Variants in GRM7 observed in about 807,000 individuals in gnomAD.
GRM7 encodes the protein glutamate metabotropic receptor 7, also known as metabotropic glutamate receptor 7.
In GRM7, 35 loss-of-function variants were observed where a neutral mutation model predicts 84.5. The ratio of observed to expected loss-of-function variants is 0.41; its 90% CI spans 0.32 to 0.55. The LOEUF (loss-of-function observed/expected upper bound fraction) is 0.55. Among genes scored for constraint, GRM7 ranks in the 20% least tolerant of loss-of-function variants. The pLI, the probability that GRM7 is intolerant of heterozygous loss-of-function variation, is 0.19. For missense variants in GRM7, 1,003 were observed against 1,194.6 expected (o/e 0.84, Z 2.36); for synonymous variants, 487 against 455.1 (o/e 1.07, Z -0.89).
intron 4 of GRM7, among the ~76,000 whole-genome samples, chr3:7,323,661 C>CA (rs368268304): frequency 6.6e-6 from 1 of 152,120 alleles, no homozygotes; most frequent in Non-Finnish European, 1.5e-5. Flanking sequence ...TAGAAAAATA[C>CA]AAAAAACTAA....
At chr3:7,215,591 G>C (rs1007611917) in intron 2 of GRM7, among the ~76,000 whole-genome samples, 141 of 152,126 alleles carry the variant, frequency 9.3e-4, no homozygotes, top group Admixed American at 2.6e-3. Context: ...CGTGAACCCG[G>C]GGGGCGGAGC....
intron 4 of GRM7, among the ~76,000 whole-genome samples, chr3:7,350,417 G>C (rs1217499234): frequency 6.6e-6 from 1 of 151,894 alleles, no homozygotes; most frequent in Non-Finnish European, 1.5e-5. Flanking sequence ...TTAATAATAC[G>C]TGGTACCTCC....
At chr3:7,718,037 G>T (rs1391901442) in intron 9 of GRM7, among the ~76,000 whole-genome samples, 1 of 141,124 alleles carries the variant, frequency 7.1e-6, no homozygotes, top group Non-Finnish European at 1.5e-5. Context: ...AGGTTTGCAG[G>T]GTTCACATGA....
chr3:7,605,453 A>G (rs1395998424), intron 8 of GRM7, among the ~76,000 whole-genome samples: 4 of 152,204 alleles, frequency 2.6e-5, no homozygotes, highest in Non-Finnish European at 5.9e-5. Flanking sequence ...CAAAGAACAG[A>G]GGGAATGCTA....
intron 1 of GRM7, among the ~76,000 whole-genome samples, chr3:7,109,559 T>A (rs2125031914): frequency 6.6e-6 from 1 of 152,256 alleles, no homozygotes; most frequent in Admixed American, 6.5e-5. Context: ...CAGGAATGGG[T>A]AAATGATAGC....
intron 2 of GRM7, among the ~76,000 whole-genome samples, chr3:7,185,225 A>C (rs1325338803): frequency 6.6e-6 from 1 of 152,104 alleles, no homozygotes; most frequent in African/African-American, 2.4e-5. Flanking sequence ...CCCGACATTC[A>C]CCTCTTCCAA....
chr3:7,386,590 G>A (rs896503640), intron 4 of GRM7, among the ~76,000 whole-genome samples: 39 of 152,128 alleles, frequency 2.6e-4, no homozygotes, highest in African/African-American at 6.0e-4. Context: ...TCATGTTACT[G>A]CAAAGGACAT....
At chr3:7,649,163 G>A (rs890463338) in intron 8 of GRM7, among the ~76,000 whole-genome samples, 7 of 151,682 alleles carry the variant, frequency 4.6e-5, no homozygotes, top group Admixed American at 4.6e-4. Context: ...TCCGCCTCCC[G>A]GGTTCACGCC....
At position 7,615,969 on chromosome 3, in the gene GRM7, C is replaced by CAT. The variant is rs529918688; in HGVS notation, c.2451+36618_2451+36619dup. The stretch of plus-strand genomic sequence containing the variant: ...TGTATTACATATATAAACACACACA[C>CAT]ATATATAGTAGATAAGTAGATACAT... On this transcript the variant is annotated intron_variant, in intron 8 of 9. Transcript: ENST00000357716. Among the ~76,000 whole-genome samples the CAT allele has an allele frequency of 3.1e-3, 470 of 151,984 alleles. 3 individuals are homozygous for CAT. The highest frequency in any genetic ancestry group is 0.011 in the African/African-American group (451 of 41,474).
At chr3:7,204,122 G>A (rs946338779) in intron 2 of GRM7, among the ~76,000 whole-genome samples, 1 of 152,172 alleles carries the variant, frequency 6.6e-6, no homozygotes, top group Non-Finnish European at 1.5e-5. Context: ...AAAAGTTCAG[G>A]TGTGGACCGA....
At chr3:7,335,757 A>T (rs558080566) in intron 4 of GRM7, among the ~76,000 whole-genome samples, 1 of 152,278 alleles carries the variant, frequency 6.6e-6, no homozygotes, top group East Asian at 1.9e-4. Flanking sequence ...ACTAAAGATC[A>T]TTCAAGGCTA....
intron 4 of GRM7, among the ~76,000 whole-genome samples, chr3:7,345,652 A>G (rs1692856971): frequency 6.6e-6 from 1 of 152,070 alleles, no homozygotes; most frequent in Non-Finnish European, 1.5e-5. Context: ...AGGCACATAT[A>G]ATAAATACAT....
chr3:6,983,066 CT>C (rs1432859149), intron 1 of GRM7, among the ~76,000 whole-genome samples: 1 of 152,090 alleles, frequency 6.6e-6, no homozygotes, highest in African/African-American at 2.4e-5. Flanking sequence ...TTTGAATTGT[CT>C]ATAATTATAA....
chr3:7,155,461 A>G (rs1339044142), intron 2 of GRM7, among the ~76,000 whole-genome samples: 1 of 152,096 alleles, frequency 6.6e-6, no homozygotes, highest in African/African-American at 2.4e-5. Context: ...ATTCATTAAA[A>G]CAGAGGCATG....
intron 1 of GRM7, among the ~76,000 whole-genome samples, chr3:6,970,854 C>T (rs1009839065): frequency 1.1e-4 from 16 of 151,928 alleles, no homozygotes; most frequent in Non-Finnish European, 1.6e-4. Context: ...TGGTGGCGGG[C>T]GCCTGTAGTC....
chr3:7,354,503 A>T (rs1693301288), intron 4 of GRM7, among the ~76,000 whole-genome samples: 5 of 152,158 alleles, frequency 3.3e-5, no homozygotes, highest in Admixed American at 3.3e-4. Flanking sequence ...AAAAGGCCAA[A>T]TGGAAGCCAT....
intron 8 of GRM7, among the ~76,000 whole-genome samples, chr3:7,587,985 T>C (rs1476513015): frequency 6.6e-6 from 1 of 152,158 alleles, no homozygotes; most frequent in Admixed American, 6.5e-5. Flanking sequence ...GTGGGATGTT[T>C]GGTGGGGTGG....
chr3:6,976,974 A>C (rs1266556167), intron 1 of GRM7, among the ~76,000 whole-genome samples: 2 of 152,168 alleles, frequency 1.3e-5, no homozygotes, highest in African/African-American at 2.4e-5. Flanking sequence ...GAAGAGAATC[A>C]GTGCAGAGGC....
Position 6,935,677 on chromosome 3 carries a change from AATTATTATT to A in GRM7, c.519+73798_519+73806del, listed in dbSNP as rs57669228. On this transcript the variant is annotated intron_variant, in intron 1 of 9. Coordinates refer to ENST00000357716, the MANE Select transcript of GRM7 (RefSeq NM_000844.4). ...CTTTGATTTCTGTTTCTTATTTTTA[AATTATTATT>A]ATTATTATTATTATTATTATTATTA... Among the ~76,000 whole-genome samples the A allele has an allele frequency of 3.7e-4, 53 of 142,446 alleles. 1 individual carries two copies. The South Asian group carries it at 5.4e-3, about 14-fold the overall frequency. 93.5% of individuals were successfully genotyped at this position (142,446 alleles called of 152,430 possible).
Sources: gnomAD v4.1 joint callset for allele counts (sites outside exome capture counted in the v4.1 genomes callset) on GRCh38, gnomAD v4.1.1 for gene constraint, MANE v1.5 for transcripts, NCBI Gene and HGNC (gene_info 2026-07-23, HGNC 2026-07-21) for gene names.